Variants in SLC52A2 observed in about 807,000 individuals in gnomAD.
SLC52A2 encodes solute carrier family 52, riboflavin transporter, member 2.
In SLC52A2, 16 loss-of-function variants were observed where a neutral mutation model predicts 24.8. That is an observed-to-expected ratio of 0.64 (90% CI 0.44 to 0.98). SLC52A2 has a LOEUF of 0.98. Among genes scored for constraint, SLC52A2 ranks in the 50% least tolerant of loss-of-function variants. The probability of loss-of-function intolerance (pLI) is 0.00; values close to 1 mark genes in which losing one functional copy is unlikely to be tolerated. For synonymous variants in SLC52A2, 335 were observed against 276.3 expected, an observed-to-expected ratio of 1.21 and a Z score of -2.11; for missense variants, 612 against 575.9, an observed-to-expected ratio of 1.06 and a Z score of -0.64.
In SLC52A2 at chr8:144,360,328, T is replaced by C. The variant is rs911416533; in HGVS notation, c.836T>C (p.Leu279Pro). The C allele has an allele frequency of 1.9e-6, 3 of 1,609,560 alleles. No individual in the cohort carries two copies. Among genetic ancestry groups the C allele is most frequent in the Admixed American group, 1.7e-5 (1 of 60,026 alleles). ...CTTCTATCAGCCCGCAGTGCCTGCC[T>C]GCTGGGCCTGTTGGCCGCCACCAAC... ...YQLLSARSAC[L>P]LGLLAATNAL... Residue 279 changes from leucine to proline, a missense_variant, in exon 3 of 5, where the codon CTG (leucine) becomes CCG (proline). Leu to Pro is a moderately conservative substitution (Grantham distance 98, BLOSUM62 -3). Transcript: ENST00000643944.
In SLC52A2 at chr8:144,359,707, C is replaced by T; in HGVS notation, c.215C>T (p.Ala72Val). Residue 72 changes from alanine to valine, a missense_variant, in exon 3 of 5, where the codon GCC (alanine) becomes GTC (valine). Ala to Val is a moderately conservative substitution (Grantham distance 64, BLOSUM62 0). Transcript: ENST00000643944. The stretch of plus-strand genomic sequence containing the variant: ...GTGGTGACCCTCTGGAGGAGGCTGG[C>T]CCCAGGAAAGGACGAGCAGGTCCCC... Reference protein sequence around the residue: ...LLVVTLWRRLAPGKDEQVPIR... With the variant: ...LLVVTLWRRLVPGKDEQVPIR... 1 of 1,613,590 alleles carries T rather than the reference C, an allele frequency of 6.2e-7. No homozygotes were observed. The highest frequency in any genetic ancestry group is 1.1e-5 in the South Asian group (1 of 91,082).
chr8:144,359,512 C>T (rs1377269828), intron 2 of SLC52A2, 89 bp downstream of exon 2: 2 of 1,612,464 alleles, frequency 1.2e-6, no homozygotes, highest in South Asian at 2.2e-5. Context: ...GGTCAGAGAG[C>T]TTCCAGAGGG....
Position 144,360,834 on chromosome 8 carries a change from TCTC to T in SLC52A2, c.1160_1162del (p.Ser387del), listed in dbSNP as rs1818836264. 6.2e-7 allele frequency: 1 copy of T among 1,613,176 alleles called. No individual in the cohort carries two copies. Among genetic ancestry groups the T allele is most frequent in the Non-Finnish European group, 8.5e-7 (1 of 1,179,828 alleles). On this transcript the variant is annotated inframe_deletion, in exon 5 of 5. Transcript: ENST00000643944. Reference sequence around the variant, plus strand: ...TCGTGGGTGCTGTGTCTTGGCGTGTTCTCCTACGTGAAGGTGGCAGCCAGCTCC... The same window carrying T: ...TCGTGGGTGCTGTGTCTTGGCGTGTTCTACGTGAAGGTGGCAGCCAGCTCC...
rs1448321215 is a variant in SLC52A2 at position 144,358,646 on chromosome 8, G to A, written c.-530G>A. 1.2e-5 allele frequency: 7 copies of A among 570,124 alleles called. No homozygotes were observed. Among genetic ancestry groups the A allele is most frequent in the African/African-American group, 3.9e-5 (2 of 51,436 alleles). The allele number at this position is 570,124 out of a possible 1,614,324, so 35.3% of individuals were successfully genotyped here. ...TCGTGGCTGCTGCCGGGTCCTGCGCGCTCCGGACTGAGGTGGCGTCCCTGG... is the reference window on the plus strand; with the variant it reads ...TCGTGGCTGCTGCCGGGTCCTGCGCACTCCGGACTGAGGTGGCGTCCCTGG... On this transcript the variant is annotated 5_prime_UTR_variant, in exon 1 of 5. Coordinates refer to ENST00000643944, the MANE Select transcript of SLC52A2 (RefSeq NM_001363118.2).
At chr8:144,359,121 C>T (rs1818638395) in intron 1 of SLC52A2, 56 bp downstream of exon 1, 3 of 1,025,064 alleles carry the variant, frequency 2.9e-6, no homozygotes, top group South Asian at 1.9e-5. Context: ...CCCCCAGTTC[C>T]CCTGGTCTCA....
Position 144,360,195 on chromosome 8 carries a change from G to C in SLC52A2, c.703G>C (p.Val235Leu). Residue 235 changes from valine to leucine, a missense_variant, in exon 3 of 5, where the codon GTG (valine) becomes CTG (leucine). Transcript: ENST00000643944. ...PTGELGSGLQ[V>L]GAPGAEEEVE... ...AGGGGAGTTAGGATCAGGCCTCCAG[G>C]TGGGAGCCCCAGGAGCAGAGGAAGA... 6.2e-7 allele frequency: 1 copy of C among 1,612,868 alleles called. No homozygotes were observed. Among genetic ancestry groups the C allele is most frequent in the African/African-American group, 1.3e-5 (1 of 75,054 alleles).
rs1284738220 is a variant in SLC52A2 at position 144,361,074 on chromosome 8, A to G, written c.*59A>G. The G allele has an allele frequency of 1.5e-5, 23 of 1,541,926 alleles. No homozygotes were observed. The highest frequency in any genetic ancestry group is 1.7e-4 in the Middle Eastern group (1 of 5,904). On this transcript the variant is annotated 3_prime_UTR_variant, in exon 5 of 5. Coordinates refer to ENST00000643944, the MANE Select transcript of SLC52A2 (RefSeq NM_001363118.2). ...CTGTCTTTCCCTCAATGCTGCCACC[A>G]TGCCTGAGTGCCTGCAGCCCAGGAG...
chr8:144,359,137 T>C, intron 1 of SLC52A2, 47 bp from the exon 2 acceptor site: 1 of 1,204,072 alleles, frequency 8.3e-7, no homozygotes, highest in South Asian at 1.6e-5. Context: ...TCTCACCCTG[T>C]TCTGACTCCG....
Position 144,361,058 on chromosome 8 carries a change from C to T in SLC52A2, c.*43C>T, listed in dbSNP as rs1003098336. 3.8e-6 allele frequency: 6 copies of T among 1,586,248 alleles called. No homozygotes were observed. The highest frequency in any genetic ancestry group is 1.7e-5 in the Admixed American group (1 of 59,514). On this transcript the variant is annotated 3_prime_UTR_variant, in exon 5 of 5. Transcript: ENST00000643944. ...CCCCGCTCCCCAACACCTGTCTTTCCCTCAATGCTGCCACCATGCCTGAGT... is the reference window on the plus strand; with the variant it reads ...CCCCGCTCCCCAACACCTGTCTTTCTCTCAATGCTGCCACCATGCCTGAGT...
chr8:144,361,060 T>C lies in SLC52A2; in HGVS notation c.*45T>C, dbSNP rs1554854686. The C allele has an allele frequency of 1.3e-6, 2 of 1,582,876 alleles. No homozygotes were observed. The highest frequency in any genetic ancestry group is 1.1e-5 in the South Asian group (1 of 89,822). ...CCGCTCCCCAACACCTGTCTTTCCC[T>C]CAATGCTGCCACCATGCCTGAGTGC... On this transcript the variant is annotated 3_prime_UTR_variant, in exon 5 of 5. Transcript: ENST00000643944.
In SLC52A2 at chr8:144,359,332, C is replaced by T. The variant is rs782406353; in HGVS notation, c.39C>T (p.His13=). ...CGCCCGCCCGTCCGGTGCTGACCCA[C>T]CTGCTGGTGGCTCTCTTCGGCATGG... ...APTPARPVLT[H]LLVALFGMGS... Residue 13 remains histidine, a synonymous_variant, in exon 2 of 5, where the codon CAC becomes CAT. Coordinates refer to ENST00000643944, the MANE Select transcript of SLC52A2 (RefSeq NM_001363118.2). 2 of 1,613,934 alleles carry T rather than the reference C, an allele frequency of 1.2e-6. No individual in the cohort carries two copies. The highest frequency in any genetic ancestry group is 1.7e-6 in the Non-Finnish European group (2 of 1,179,996).
chr8:144,360,202 C>T lies in SLC52A2; in HGVS notation c.710C>T (p.Ala237Val), dbSNP rs1554854154. Residue 237 changes from alanine (A) to valine (V), a missense_variant, in exon 3 of 5, where the codon GCC becomes GTC. By Grantham distance (64) the Ala-to-Val change is moderately conservative. Coordinates refer to ENST00000643944, the MANE Select transcript of SLC52A2 (RefSeq NM_001363118.2). ...GELGSGLQVG[A>V]PGAEEEVEES... ...TTAGGATCAGGCCTCCAGGTGGGAG[C>T]CCCAGGAGCAGAGGAAGAGGTGGAA... The T allele has an allele frequency of 1.2e-6, 2 of 1,612,814 alleles. No homozygotes were observed. The highest frequency in any genetic ancestry group is 2.2e-5 in the East Asian group (1 of 44,886).
Position 144,359,384 on chromosome 8 carries a change from T to G in SLC52A2, c.91T>G (p.Trp31Gly), listed in dbSNP as rs1554853760. ...MGSWAAVNGI[W>G]VELPVVVKEL... ...CTCCTGGGCTGCGGTCAATGGGATC[T>G]GGGTGGAGCTACCTGTGGTGGTCAA... is the stretch of plus-strand genomic sequence containing the variant. Residue 31 changes from tryptophan to glycine, a missense_variant, in exon 2 of 5, where the codon TGG becomes GGG. Physicochemically the swap from Trp to Gly is radical, Grantham distance 184 (BLOSUM62 -2). Coordinates refer to ENST00000643944, the MANE Select transcript of SLC52A2 (RefSeq NM_001363118.2). 3 of 1,614,032 alleles carry G rather than the reference T, an allele frequency of 1.9e-6. No individual in the cohort carries two copies. The highest frequency in any genetic ancestry group is 2.2e-5 in the East Asian group (1 of 44,878).
chr8:144,360,250 C>T lies in SLC52A2; in HGVS notation c.758C>T (p.Pro253Leu), dbSNP rs2130644912. ...GAAGAGTCCTCACCACTGCAAGAGC[C>T]ACCAAGCCAGGCAGCAGGCACCACC... ...EVEESSPLQE[P>L]PSQAAGTTPG... The change falls in exon 3 of 5, where the codon CCA becomes CTA. Residue 253 changes from proline (P) to leucine (L), a missense_variant. Pro to Leu is a moderately conservative substitution (Grantham distance 98, BLOSUM62 -3). Coordinates refer to ENST00000643944, the MANE Select transcript of SLC52A2 (RefSeq NM_001363118.2). The T allele has an allele frequency of 6.2e-7, 1 of 1,612,560 alleles. No homozygotes were observed. Among genetic ancestry groups the T allele is most frequent in the Non-Finnish European group, 8.5e-7 (1 of 1,180,008 alleles).
Position 144,360,342 on chromosome 8 carries a change from G to T in SLC52A2, c.850G>T (p.Ala284Ser), listed in dbSNP as rs1554854248. 2 of 1,608,972 alleles carry T rather than the reference G, an allele frequency of 1.2e-6. No homozygotes were observed. The highest frequency in any genetic ancestry group is 1.6e-4 in the Middle Eastern group (1 of 6,062). Residue 284 changes from alanine to serine, a missense_variant, in exon 3 of 5, where the codon GCC becomes TCC. Transcript: ENST00000643944. ...CAGTGCCTGCCTGCTGGGCCTGTTG[G>T]CCGCCACCAACGCGCTGACCAATGG... ...ARSACLLGLL[A>S]ATNALTNGVL...
intron 2 of SLC52A2, 75 bp from the exon 3 acceptor site, chr8:144,359,548 C>G: frequency 6.2e-7 from 1 of 1,605,066 alleles, no homozygotes; most frequent in South Asian, 1.1e-5. Context: ...GCAGGTGTGC[C>G]CAGGAAGGTG....
chr8:144,359,118 T>C, intron 1 of SLC52A2, 53 bp downstream of exon 1: 1 of 974,888 alleles, frequency 1.0e-6, no homozygotes, highest in South Asian at 2.0e-5. Flanking sequence ...GCTCCCCCAG[T>C]TCCCCTGGTC....
rs868962341 is a variant in SLC52A2, at chr8:144,358,615, G to T, written c.-561G>T. The T allele has an allele frequency of 5.6e-5, 47 of 838,180 alleles. No individual in the cohort carries two copies. In the Middle Eastern group the frequency reaches 1.2e-3, roughly 22 times the overall value. 51.9% of individuals were successfully genotyped at this position (838,180 alleles called of 1,614,324 possible). ...GCGGGCCCGGAACCGCCACGGGTGA[G>T]TCGGGTCGTGGCTGCTGCCGGGTCC... is the stretch of plus-strand genomic sequence containing the variant. On this transcript the variant is annotated 5_prime_UTR_variant, in exon 1 of 5. Transcript: ENST00000643944.
chr8:144,360,618 C>G lies in SLC52A2; in HGVS notation c.1030C>G (p.Leu344Val), dbSNP rs1301622384. The G allele has an allele frequency of 5.0e-6, 8 of 1,603,484 alleles. No individual in the cohort carries two copies. Among genetic ancestry groups the G allele is most frequent in the Non-Finnish European group, 5.9e-6 (7 of 1,179,468 alleles). The change falls in exon 4 of 5, where the codon CTG (leucine) becomes GTG (valine). Residue 344 changes from leucine (L) to valine (V), a missense_variant. Transcript: ENST00000643944. ...CTTGGCAGGGCTGGGCGGCCTCTCTCTGCTGGGCGTGTTCTGTGGGGGCTA... is the reference window on the plus strand; with the variant it reads ...CTTGGCAGGGCTGGGCGGCCTCTCTGTGCTGGGCGTGTTCTGTGGGGGCTA... ...RSLAGLGGLS[L>V]LGVFCGGYLM...
Sources: allele counts gnomAD v4.1 joint callset, GRCh38; gene constraint gnomAD v4.1.1; transcripts MANE v1.5; gene names NCBI Gene and HGNC (gene_info 2026-07-23, HGNC 2026-07-21).